Variants in DLGAP2 observed in about 807,000 individuals in gnomAD.
The protein encoded by DLGAP2 is disks large-associated protein 2.
In DLGAP2, 26 loss-of-function variants were observed where a neutral mutation model predicts 100.3. That is an observed-to-expected ratio of 0.26 (90% CI 0.19 to 0.36). The LOEUF is 0.36. Ranked by LOEUF, DLGAP2 falls within the 10% of genes least tolerant of loss-of-function variation. The pLI, the probability that DLGAP2 is intolerant of heterozygous loss-of-function variation, is 1.00. For synonymous variants in DLGAP2, 886 were observed against 630.1 expected, an observed-to-expected ratio of 1.41 and a Z score of -6.08; for missense variants, 1,858 against 1,453.2, an observed-to-expected ratio of 1.28 and a Z score of -4.53.
intron 8 of DLGAP2, among the ~76,000 whole-genome samples, chr8:1,634,000 T>C (rs562104278): frequency 1.3e-5 from 2 of 152,298 alleles, no homozygotes; most frequent in African/African-American, 4.8e-5. Flanking sequence ...GAACAAGAAA[T>C]CCAGGAGATT....
At chr8:1,532,868 A>C in intron 4 of DLGAP2, among the ~76,000 whole-genome samples, 1 of 152,322 alleles carries the variant, frequency 6.6e-6, no homozygotes, top group East Asian at 1.9e-4. Flanking sequence ...GAGGAATACA[A>C]GTCCAGCCTA....
At chr8:1,455,888 C>T (rs1001178373) in intron 3 of DLGAP2, among the ~76,000 whole-genome samples, 10 of 152,238 alleles carry the variant, frequency 6.6e-5, no homozygotes, top group Admixed American at 3.3e-4. Flanking sequence ...TGTTCACTGT[C>T]TCGGCCTCTG....
At chr8:1,655,212 CCTGT>C (rs1798256903) in intron 8 of DLGAP2, among the ~76,000 whole-genome samples, 2 of 152,330 alleles carry the variant, frequency 1.3e-5, no homozygotes, top group East Asian at 1.9e-4. Flanking sequence ...ACTTCTGTGT[CCTGT>C]CTGATTTATT....
chr8:1,705,627 A>G lies in DLGAP2; in HGVS notation c.*4221A>G, dbSNP rs1585082961. On this transcript the variant is annotated 3_prime_UTR_variant, in exon 15 of 15. Transcript: ENST00000637795. Reference sequence around the variant, plus strand: ...TTGCCCCACCTGTGAGCACAGAAACACGCTTCTCCAACACGGGCCGAAATA... The same window carrying G: ...TTGCCCCACCTGTGAGCACAGAAACGCGCTTCTCCAACACGGGCCGAAATA... 1 of 152,268 alleles carries G rather than the reference A, an allele frequency of 6.6e-6. No individual in the cohort carries two copies. The highest frequency in any genetic ancestry group is 1.9e-4 in the East Asian group (1 of 5,176). 9.4% of individuals were successfully genotyped at this position (152,268 alleles called of 1,614,324 possible).
At chr8:1,609,076 G>C (rs921901568) in intron 6 of DLGAP2, among the ~76,000 whole-genome samples, 3 of 131,432 alleles carry the variant, frequency 2.3e-5, no homozygotes, top group Non-Finnish European at 5.0e-5. Flanking sequence ...GCAACTCCAA[G>C]ACACATAATT....
chr8:1,492,338 A>G (rs531878272), intron 3 of DLGAP2, among the ~76,000 whole-genome samples: 10 of 152,340 alleles, frequency 6.6e-5, no homozygotes, highest in Non-Finnish European at 1.2e-4. Flanking sequence ...CCTAATTTAA[A>G]CAGCCTTCAA....
At chr8:1,123,922 G>T (rs993255636) in intron 2 of DLGAP2, among the ~76,000 whole-genome samples, 1 of 151,992 alleles carries the variant, frequency 6.6e-6, no homozygotes, top group Non-Finnish European at 1.5e-5. Flanking sequence ...AAAGAACATG[G>T]TCTAATTGAC....
At chr8:920,093 G>A (rs1021786640) in intron 2 of DLGAP2, among the ~76,000 whole-genome samples, 2 of 152,162 alleles carry the variant, frequency 1.3e-5, no homozygotes, top group African/African-American at 4.8e-5. Flanking sequence ...AGAGGTCCAG[G>A]GAAACCAGGT....
At chr8:1,133,449 G>C (rs1055753005) in intron 2 of DLGAP2, among the ~76,000 whole-genome samples, 1 of 151,926 alleles carries the variant, frequency 6.6e-6, no homozygotes, top group Admixed American at 6.5e-5. Flanking sequence ...TATATTTTTT[G>C]CTTTTAGAAG....
At chr8:1,601,694 A>T (rs1796630031) in intron 6 of DLGAP2, among the ~76,000 whole-genome samples, 1 of 152,118 alleles carries the variant, frequency 6.6e-6, no homozygotes, top group Non-Finnish European at 1.5e-5. Flanking sequence ...AAACGTCTCC[A>T]TTATGAGACC....
intron 3 of DLGAP2, among the ~76,000 whole-genome samples, chr8:1,337,739 T>C (rs1209073438): frequency 1.3e-5 from 2 of 152,168 alleles, no homozygotes; most frequent in East Asian, 3.9e-4. Context: ...AAAGACACAA[T>C]CTAGAAAGTG....
chr8:768,441 T>TTTTTC (rs1554558685), intron 1 of DLGAP2, among the ~76,000 whole-genome samples: 1 of 143,530 alleles, frequency 7.0e-6, no homozygotes, highest in African/African-American at 2.6e-5. Flanking sequence ...TTTTTTTTTT[T>TTTTTC]CTGACATGAA....
At chr8:1,507,456 G>A (rs1416736039) in intron 4 of DLGAP2, among the ~76,000 whole-genome samples, 2 of 152,154 alleles carry the variant, frequency 1.3e-5, no homozygotes, top group Non-Finnish European at 2.9e-5. Flanking sequence ...GCGGGGCCGC[G>A]GAGCCCGCGC....
At chr8:1,671,033 C>A (rs1798678741) in intron 10 of DLGAP2, among the ~76,000 whole-genome samples, 1 of 152,206 alleles carries the variant, frequency 6.6e-6, no homozygotes, top group Non-Finnish European at 1.5e-5. Context: ...TTAATCCTTA[C>A]AATAACCCTG....
chr8:799,208 G>A (rs1177610876), intron 1 of DLGAP2, among the ~76,000 whole-genome samples: 1 of 152,136 alleles, frequency 6.6e-6, no homozygotes, highest in Non-Finnish European at 1.5e-5. Context: ...GCTCAGCCTG[G>A]GCTCCTTTCT....
At chr8:1,621,193 T>C (rs1213408363) in intron 6 of DLGAP2, 1 of 152,170 alleles carries the variant, frequency 6.6e-6, no homozygotes, top group Non-Finnish European at 1.5e-5. Flanking sequence ...AAGCCTTTGG[T>C]GGCACATCCT....
At chr8:1,410,805 G>A (rs1796708344) in intron 3 of DLGAP2, among the ~76,000 whole-genome samples, 1 of 151,838 alleles carries the variant, frequency 6.6e-6, no homozygotes. Context: ...TTTCCCTGTG[G>A]GAATGTCCTT....
At chr8:1,610,629 G>A (rs1031890227) in intron 6 of DLGAP2, among the ~76,000 whole-genome samples, 1 of 130,968 alleles carries the variant, frequency 7.6e-6, no homozygotes, top group Non-Finnish European at 1.6e-5. Context: ...CAACAAAATT[G>A]ATAGACCGCT....
intron 3 of DLGAP2, among the ~76,000 whole-genome samples, chr8:1,293,798 A>G (rs1307917459): frequency 6.6e-6 from 1 of 151,566 alleles, no homozygotes; most frequent in Non-Finnish European, 1.5e-5. Context: ...CTTATTAAAC[A>G]TTTTCTTTTT....
Sources: gnomAD v4.1 joint callset for allele counts (sites outside exome capture counted in the v4.1 genomes callset) on GRCh38, gnomAD v4.1.1 for gene constraint, MANE v1.5 for transcripts, NCBI Gene and HGNC (gene_info 2026-07-23, HGNC 2026-07-21) for gene names.